Variants in NELL2 observed in about 807,000 individuals in gnomAD.
NELL2 encodes protein kinase C-binding protein NELL2.
In NELL2, 41 loss-of-function variants were observed where a neutral mutation model predicts 109.6. The ratio of observed to expected loss-of-function variants is 0.37; its 90% CI spans 0.29 to 0.49. NELL2 has a LOEUF of 0.49. Ranked by LOEUF, NELL2 falls within the 20% of genes least tolerant of loss-of-function variation. NELL2 has a pLI of 0.98. For missense variants in NELL2, 900 were observed against 1,008.3 expected, an observed-to-expected ratio of 0.89 and a Z score of 1.45; for synonymous variants, 355 against 344.7, an observed-to-expected ratio of 1.03 and a Z score of -0.33.
rs557657761 is a variant in NELL2 at position 44,553,609 on chromosome 12, A to G, written c.1664-20888T>C. ...CATGAATGCTTAAAATAAGTAGAAT[A>G]GTATATGTTTGAAGGGATGGATATT... On this transcript the variant is annotated intron_variant, in intron 15 of 19. Transcript: ENST00000429094. Among the ~76,000 whole-genome samples the G allele has an allele frequency of 1.3e-5, 2 of 152,346 alleles. 1 individual carries two copies. Among genetic ancestry groups the G allele is most frequent in the South Asian group, 4.1e-4 (2 of 4,832 alleles).
chr12:44,775,526 A>G (rs1941724085), intron 8 of NELL2, among the ~76,000 whole-genome samples: 2 of 152,248 alleles, frequency 1.3e-5, no homozygotes, highest in African/African-American at 2.4e-5. Context: ...GCGAGCAATT[A>G]GCAAAATCAC....
chr12:44,809,185 G>A lies in NELL2; in HGVS notation c.335+6801C>T, dbSNP rs189887612. Among the ~76,000 whole-genome samples the A allele has an allele frequency of 3.6e-4, 54 of 152,088 alleles. No individual in the cohort carries two copies. The East Asian group carries it at 0.01, about 29-fold the overall frequency. On this transcript the variant is annotated intron_variant, in intron 3 of 19. Coordinates refer to ENST00000429094, the MANE Select transcript of NELL2 (RefSeq NM_001145108.2). ...ACATAAGGATTTTATTTATCCTGAA[G>A]AAACTGCAGTTTTGTAAAACATGGA...
intron 13 of NELL2, among the ~76,000 whole-genome samples, chr12:44,619,036 C>T (rs748880391): frequency 1.4e-4 from 22 of 152,166 alleles, no homozygotes; most frequent in East Asian, 1.9e-4. Context: ...AACCTGTAAA[C>T]GAAAATCTCA....
At chr12:44,680,917 T>C (rs1948474629) in intron 12 of NELL2, among the ~76,000 whole-genome samples, 1 of 152,208 alleles carries the variant, frequency 6.6e-6, no homozygotes, top group Non-Finnish European at 1.5e-5. Flanking sequence ...TGTCATTTCA[T>C]TGTTTTTCCC....
chr12:44,600,879 G>A (rs963634820), intron 15 of NELL2, among the ~76,000 whole-genome samples: 3 of 151,900 alleles, frequency 2.0e-5, no homozygotes, highest in Non-Finnish European at 4.4e-5. Flanking sequence ...TGTACATAAT[G>A]TTTATTCAAA....
intron 9 of NELL2, among the ~76,000 whole-genome samples, chr12:44,762,895 G>A (rs17575480): frequency 0.076 from 11,606 of 152,164 alleles, 534 homozygotes; most frequent in Non-Finnish European, 0.095. Flanking sequence ...GATATTTGGT[G>A]GTAAAACACT....
At position 44,834,678 on chromosome 12, in the gene NELL2, G is replaced by A. The variant is rs112154743; in HGVS notation, c.185-18542C>T. Among the ~76,000 whole-genome samples the A allele has an allele frequency of 3.1e-3, 471 of 152,096 alleles. 3 individuals carry two copies. Among genetic ancestry groups the A allele is most frequent in the African/African-American group, 0.011 (439 of 41,502 alleles). The stretch of plus-strand genomic sequence containing the variant: ...TGCCCTACTCGAAGTGTGAGCGCTC[G>A]GGCCTCACCCCGCATCCAAACCCCA... On this transcript the variant is annotated intron_variant, in intron 2 of 19. Coordinates refer to ENST00000429094, the MANE Select transcript of NELL2 (RefSeq NM_001145108.2).
rs1409987918 is a variant in NELL2, at chr12:44,818,725, A to ATTTTTTTTTTTTTT, written c.185-2590_185-2589insAAAAAAAAAAAAAA. ...CTGAGAGGCTATATTTTGTTCACTT[A>ATTTTTTTTTTTTTT]TTTTTTTTTTTTTATTTTTTTTTTT... On this transcript the variant is annotated intron_variant, in intron 2 of 19. Transcript: ENST00000429094. 6.9e-5 allele frequency among the ~76,000 whole-genome samples: 5 copies of ATTTTTTTTTTTTTT among 72,146 alleles called. 2 individuals are homozygous for ATTTTTTTTTTTTTT. Among genetic ancestry groups the ATTTTTTTTTTTTTT allele is most frequent in the African/African-American group, 5.3e-5 (1 of 18,892 alleles). 47.3% of individuals were successfully genotyped at this position (72,146 alleles called of 152,430 possible). A position where few individuals can be genotyped will look rare whatever the true frequency, so the allele number is the denominator to read the frequency against.
At chr12:44,599,829 G>C (rs972765843) in intron 15 of NELL2, among the ~76,000 whole-genome samples, 1 of 152,062 alleles carries the variant, frequency 6.6e-6, no homozygotes, top group Non-Finnish European at 1.5e-5. Flanking sequence ...AAAGTAATTA[G>C]AGAGAAAGAG....
chr12:44,657,829 A>T (rs1592281498), intron 13 of NELL2, among the ~76,000 whole-genome samples: 1 of 152,222 alleles, frequency 6.6e-6, no homozygotes, highest in Non-Finnish European at 1.5e-5. Flanking sequence ...TTATGGCTGC[A>T]TAGTATTCCA....
chr12:44,820,565 C>T (rs528294805), intron 2 of NELL2, among the ~76,000 whole-genome samples: 3 of 149,718 alleles, frequency 2.0e-5, no homozygotes, highest in Admixed American at 1.3e-4. Context: ...GCCGAGATCG[C>T]GCCACTGCAC....
At chr12:44,703,648 C>T in intron 12 of NELL2, 78 bp downstream of exon 12, 4 of 1,505,178 alleles carry the variant, frequency 2.7e-6, no homozygotes, top group East Asian at 2.3e-5. Flanking sequence ...ACTTGACAAC[C>T]TGGGAACTTA....
rs777345674 is a variant in NELL2, at chr12:44,875,174, C to T, written c.184+51G>A. 5 of 1,578,352 alleles carry T rather than the reference C, an allele frequency of 3.2e-6. No homozygotes were observed. The South Asian group carries it at 4.7e-5, about 15-fold the overall frequency. ...GACAAGCGGCAAGAGCAACTCCTGCCGGGGTTATCGGAACTGAAATCACAG... is the reference window on the plus strand; with the variant it reads ...GACAAGCGGCAAGAGCAACTCCTGCTGGGGTTATCGGAACTGAAATCACAG... On this transcript the variant is annotated intron_variant, in intron 2 of 19. Transcript: ENST00000429094.
intron 9 of NELL2, among the ~76,000 whole-genome samples, chr12:44,762,673 G>A (rs567269783): frequency 6.6e-6 from 1 of 152,166 alleles, no homozygotes; most frequent in Non-Finnish European, 1.5e-5. Flanking sequence ...CAGAGCCTCT[G>A]AATATTCAAT....
chr12:44,797,312 G>C (rs1942658728), intron 3 of NELL2, among the ~76,000 whole-genome samples: 1 of 152,092 alleles, frequency 6.6e-6, no homozygotes, highest in Non-Finnish European at 1.5e-5. Flanking sequence ...TTGCATCAAG[G>C]ATGGTCATAT....
chr12:44,770,487 T>C (rs1030812592), intron 9 of NELL2, among the ~76,000 whole-genome samples: 1 of 152,200 alleles, frequency 6.6e-6, no homozygotes, highest in Non-Finnish European at 1.5e-5. Flanking sequence ...CTATTCAATA[T>C]GCAAAGATAT....
chr12:44,906,382 A>G (rs2703054), intron 1 of NELL2, among the ~76,000 whole-genome samples: 5,294 of 152,226 alleles, frequency 0.035, 202 homozygotes, highest in African/African-American at 0.085. Flanking sequence ...TTAAACACAT[A>G]AATGATATGA....
chr12:44,742,185 T>C (rs1940017154), intron 9 of NELL2, among the ~76,000 whole-genome samples: 1 of 152,096 alleles, frequency 6.6e-6, no homozygotes, highest in Non-Finnish European at 1.5e-5. Flanking sequence ...CTGCTGCTGA[T>C]ACCCAGGCAA....
chr12:44,791,183 CATATATATAT>C (rs748283455), intron 3 of NELL2, among the ~76,000 whole-genome samples: 577 of 15,076 alleles, frequency 0.038, 10 homozygotes, highest in Middle Eastern at 0.042. Context: ...AGTATTCCAT[CATATATATAT>C]ATATATATAT....
Sources: gnomAD v4.1 joint callset for allele counts (sites outside exome capture counted in the v4.1 genomes callset) on GRCh38, gnomAD v4.1.1 for gene constraint, MANE v1.5 for transcripts, NCBI Gene and HGNC (gene_info 2026-07-23, HGNC 2026-07-21) for gene names.